The following TAOK3 variants were observed in gnomAD, a reference collection of about 807,000 sequenced individuals.
The protein encoded by TAOK3 is TAO kinase 3, also known as serine/threonine-protein kinase TAO3.
Under a neutral mutation model 120.4 loss-of-function variants are expected in TAOK3, and 40 were observed. The ratio of observed to expected loss-of-function variants is 0.33; its 90% CI spans 0.26 to 0.43. The LOEUF (loss-of-function observed/expected upper bound fraction) is 0.43. TAOK3 is among the 20% of genes least tolerant of loss of function. The pLI is 1.00. For synonymous variants in TAOK3, 355 were observed against 387.5 expected, an observed-to-expected ratio of 0.92 and a Z score of 0.99; for missense variants, 821 against 1,112.1, an observed-to-expected ratio of 0.74 and a Z score of 3.72.
intron 9 of TAOK3, among the ~76,000 whole-genome samples, chr12:118,217,558 C>T (rs571536621): frequency 2.0e-5 from 3 of 151,380 alleles, no homozygotes; most frequent in South Asian, 2.1e-4. Flanking sequence ...TGGTGGCATG[C>T]GCCTGTAATC....
At chr12:118,320,734 C>G (rs1005854253) in intron 1 of TAOK3, among the ~76,000 whole-genome samples, 8 of 152,130 alleles carry the variant, frequency 5.3e-5, no homozygotes, top group South Asian at 4.1e-4. Flanking sequence ...CTAAAAGAGA[C>G]TTTACACTGC....
chr12:118,268,023 A>G (rs748624221), intron 1 of TAOK3, among the ~76,000 whole-genome samples: 1 of 152,130 alleles, frequency 6.6e-6, no homozygotes, highest in Non-Finnish European at 1.5e-5. Flanking sequence ...ATCACATTAT[A>G]TGTGTAATTC....
chr12:118,349,319 C>T (rs2045030804), intron 1 of TAOK3, among the ~76,000 whole-genome samples: 1 of 152,146 alleles, frequency 6.6e-6, no homozygotes, highest in South Asian at 2.1e-4. Context: ...TATTTACTGT[C>T]ACAGAAACAT....
At chr12:118,204,750 C>T (rs2038205949) in intron 11 of TAOK3, among the ~76,000 whole-genome samples, 1 of 152,210 alleles carries the variant, frequency 6.6e-6, no homozygotes, top group Non-Finnish European at 1.5e-5. Context: ...TGTTTCAAGG[C>T]TGGGCATGGT....
chr12:118,294,116 T>C (rs761197700), intron 1 of TAOK3, among the ~76,000 whole-genome samples: 3 of 152,226 alleles, frequency 2.0e-5, no homozygotes, highest in Non-Finnish European at 4.4e-5. Flanking sequence ...TGTATATTTA[T>C]ATATGTGTAT....
intron 9 of TAOK3, among the ~76,000 whole-genome samples, chr12:118,214,523 AAGTC>A (rs2038786333): frequency 6.6e-6 from 1 of 151,900 alleles, no homozygotes. Context: ...TCACTTAAAA[AAGTC>A]AGAAAGCAAA....
At chr12:118,347,843 C>T (rs1282082890) in intron 1 of TAOK3, among the ~76,000 whole-genome samples, 1 of 152,208 alleles carries the variant, frequency 6.6e-6, no homozygotes, top group Non-Finnish European at 1.5e-5. Flanking sequence ...GTTCCAGAAC[C>T]TCACTACTAG....
chr12:118,232,138 T>C (rs2039811688), intron 9 of TAOK3, among the ~76,000 whole-genome samples: 2 of 152,174 alleles, frequency 1.3e-5, no homozygotes, highest in Admixed American at 6.5e-5. Context: ...ATTTACATCA[T>C]GGAAATTGGC....
At chr12:118,204,040 C>A (rs1325380347) in intron 11 of TAOK3, among the ~76,000 whole-genome samples, 1 of 151,882 alleles carries the variant, frequency 6.6e-6, no homozygotes, top group Non-Finnish European at 1.5e-5. Context: ...CCGAGGCAGG[C>A]TGATCACTTG....
chr12:118,359,460 G>T (rs370049337), intron 1 of TAOK3: 1 of 152,244 alleles, frequency 6.6e-6, no homozygotes. Flanking sequence ...CTAGAGTAAG[G>T]TTTCAAGGAA....
intron 1 of TAOK3, among the ~76,000 whole-genome samples, chr12:118,282,301 G>A (rs910848409): frequency 2.6e-5 from 4 of 152,216 alleles, no homozygotes; most frequent in African/African-American, 9.6e-5. Flanking sequence ...AGAACAAAAG[G>A]TCTGCCAGAT....
chr12:118,170,731 C>T (rs2035949461), intron 17 of TAOK3, among the ~76,000 whole-genome samples: 1 of 152,150 alleles, frequency 6.6e-6, no homozygotes, highest in Non-Finnish European at 1.5e-5. Context: ...CCACTGTACT[C>T]CAGCCTGGGC....
At position 118,189,794 on chromosome 12, in the gene TAOK3, GGT is replaced by G; in HGVS notation, c.1329+11_1329+12del. The G allele has an allele frequency of 3.7e-6, 6 of 1,614,026 alleles. No homozygotes were observed. The highest frequency in any genetic ancestry group is 5.1e-6 in the Non-Finnish European group (6 of 1,179,968). ...GGAAGGAAGGGAAGGTGGGTAGAGG[GGT>G]GTTTGCTTACCAAAGATGCTGATTT... On this transcript the variant is annotated intron_variant, in intron 14 of 20. Coordinates refer to ENST00000392533, the MANE Select transcript of TAOK3 (RefSeq NM_016281.4).
At position 118,150,451 on chromosome 12, in the gene TAOK3, A is replaced by G. The variant is rs2034309321; in HGVS notation, c.*546T>C. The G allele has an allele frequency of 6.8e-6, 1 of 146,914 alleles. No individual in the cohort carries two copies. The allele number at this position is 146,914 out of a possible 1,614,324, so 9.1% of individuals were successfully genotyped here. On this transcript the variant is annotated 3_prime_UTR_variant, in exon 21 of 21. Coordinates refer to ENST00000392533, the MANE Select transcript of TAOK3 (RefSeq NM_016281.4). ...ATCACAATTAGTTTCTGTAAAATGT[A>G]TCAAATTTTCAATCTTTAATAAAAC... is the stretch of plus-strand genomic sequence containing the variant.
In TAOK3 at chr12:118,372,590, G is replaced by C. The variant is rs1186552204; in HGVS notation, c.-194+58C>G. 1 of 156,798 alleles carries C rather than the reference G, an allele frequency of 6.4e-6. No individual in the cohort carries two copies. Among genetic ancestry groups the C allele is most frequent in the Non-Finnish European group, 1.4e-5 (1 of 71,456 alleles). 9.7% of individuals were successfully genotyped at this position (156,798 alleles called of 1,614,324 possible). ...CCGCTCCCGCAACTCCCCTCACTCT[G>C]CCTGGGGTCCCGCCGCCTCGGCTCC... On this transcript the variant is annotated intron_variant, in intron 1 of 20. Transcript: ENST00000392533. This position sits in a 1 kb window ranked among gnomAD's most constrained non-coding sequence, Gnocchi z 4.6.
chr12:118,312,640 G>A (rs2043304860), intron 1 of TAOK3, among the ~76,000 whole-genome samples: 1 of 152,156 alleles, frequency 6.6e-6, no homozygotes, highest in Non-Finnish European at 1.5e-5. Context: ...ATGTTAGCCT[G>A]ATTTTACACA....
chr12:118,191,063 T>C (rs548436369), intron 13 of TAOK3, among the ~76,000 whole-genome samples: 5 of 152,336 alleles, frequency 3.3e-5, no homozygotes, highest in South Asian at 2.1e-4. Flanking sequence ...ATTTTATCCA[T>C]GACCACTTGA....
At chr12:118,180,212 T>G (rs1639609270) in intron 15 of TAOK3, among the ~76,000 whole-genome samples, 1 of 151,056 alleles carries the variant, frequency 6.6e-6, no homozygotes, top group Non-Finnish European at 1.5e-5. Flanking sequence ...CCTCCCAAAG[T>G]GCTGGGATTG....
chr12:118,327,141 A>T (rs1411532882), intron 1 of TAOK3, among the ~76,000 whole-genome samples: 1 of 152,184 alleles, frequency 6.6e-6, no homozygotes, highest in African/African-American at 2.4e-5. Context: ...AAGGAAGCAA[A>T]ATAACAAAGT....
Sources: gnomAD v4.1 joint callset for allele counts (sites outside exome capture counted in the v4.1 genomes callset) on GRCh38, gnomAD v4.1.1 for gene constraint, Gnocchi (gnomAD v3.1) non-coding constraint, MANE v1.5 for transcripts, NCBI Gene and HGNC (gene_info 2026-07-23, HGNC 2026-07-21) for gene names.